RAB3GAP2: variants seen among roughly 807,000 people sequenced by gnomAD.
The protein encoded by RAB3GAP2 is rab3 GTPase-activating protein non-catalytic subunit.
RAB3GAP2 carries 87 observed loss-of-function variants against 185.3 expected under a neutral mutation model. That is an observed-to-expected ratio of 0.47 (90% CI 0.39 to 0.56). The LOEUF is 0.56. Ranked by LOEUF, RAB3GAP2 falls within the 20% of genes least tolerant of loss-of-function variation. The pLI is 0.00. For missense variants in RAB3GAP2, 1,492 were observed against 1,638.2 expected (o/e 0.91, Z 1.54); for synonymous variants, 554 against 576.1 (o/e 0.96, Z 0.55).
chr1:220,157,074 A>C (rs1201353719), intron 31 of RAB3GAP2, among the ~76,000 whole-genome samples, 196 bp downstream of exon 31: 1 of 152,134 alleles, frequency 6.6e-6, no homozygotes, highest in Non-Finnish European at 1.5e-5. Context: ...GACAGCTGAG[A>C]GGGCAAAACT....
At chr1:220,253,931 G>A in intron 1 of RAB3GAP2, 1 of 1,613,716 alleles carries the variant, frequency 6.2e-7, no homozygotes, top group Non-Finnish European at 8.5e-7. Flanking sequence ...CCTGGAAATG[G>A]AGATGGTGGC....
chr1:220,223,361 G>T (rs1281298142), intron 2 of RAB3GAP2, among the ~76,000 whole-genome samples: 2 of 152,034 alleles, frequency 1.3e-5, no homozygotes, highest in African/African-American at 4.8e-5. Flanking sequence ...AATCAGAATA[G>T]ATTTAATAGC....
At chr1:220,245,475 C>G (rs545448573) in intron 1 of RAB3GAP2, among the ~76,000 whole-genome samples, 1 of 152,202 alleles carries the variant, frequency 6.6e-6, no homozygotes, top group South Asian at 2.1e-4. Flanking sequence ...TAAAAAACGG[C>G]GCACCACGAG....
At chr1:220,170,613 T>A (rs1658156237) in intron 24 of RAB3GAP2, among the ~76,000 whole-genome samples, 1 of 152,302 alleles carries the variant, frequency 6.6e-6, no homozygotes, top group Non-Finnish European at 1.5e-5. Flanking sequence ...CATATAGACA[T>A]GTAGGTGAAA....
In RAB3GAP2 at chr1:220,190,459, G is replaced by A. The variant is rs968234372; in HGVS notation, c.1549C>T (p.Pro517Ser). ...ACCAGACAGATCTGATAAGTCTGTG[G>A]CTGCCAACTCTGACTGGTAACATTA... ...LNNVTSQSWQ[P>S]QTYQICLVDP... Residue 517 changes from proline to serine, a missense_variant, in exon 15 of 35, where the codon CCA becomes TCA. Pro to Ser is a moderately conservative substitution (Grantham distance 74, BLOSUM62 -1). Around this residue, in one of 5 missense-constraint regions of RAB3GAP2, gnomAD observed 681 missense variants for 689.1 expected, o/e 0.99. Transcript: ENST00000358951. 4.3e-6 allele frequency: 7 copies of A among 1,611,412 alleles called. No individual in the cohort carries two copies. The highest frequency in any genetic ancestry group is 5.9e-6 in the Non-Finnish European group (7 of 1,177,686).
chr1:220,266,782 A>T, intron 1 of RAB3GAP2: 2 of 1,594,136 alleles, frequency 1.3e-6, no homozygotes, highest in East Asian at 4.5e-5. Flanking sequence ...AGGGGTATTC[A>T]AGTACTTCTC....
Position 220,196,260 on chromosome 1 carries a change from T to A in RAB3GAP2, c.950A>T (p.Tyr317Phe). ...TGATAAAACTCATACCTCTAAAGCA[T>A]AGAAGAAGCCAGTAAATGGATTGGA... ...VGSNPFTGFF[Y>F]ALEGSTQPLL... is the part of the protein sequence containing the mutation. The change falls in exon 10 of 35, where the codon TAT (tyrosine) becomes TTT (phenylalanine). Residue 317 changes from tyrosine (Y) to phenylalanine (F), a missense_variant. By Grantham distance (22) the Tyr-to-Phe change is conservative. This residue lies in a region of RAB3GAP2 where 243 missense variants were observed against 314.8 expected (regional missense o/e 0.77). Coordinates refer to ENST00000358951, the MANE Select transcript of RAB3GAP2 (RefSeq NM_012414.4). 6.2e-7 allele frequency: 1 copy of A among 1,613,370 alleles called. No homozygotes were observed. The highest frequency in any genetic ancestry group is 1.3e-5 in the African/African-American group (1 of 75,040).
chr1:220,272,219 T>TA lies in RAB3GAP2; in HGVS notation c.115+3_115+4insT. Reference sequence around the variant, plus strand: ...AGGAAGGGCGAGGCCAGAGAGGCACTTACTGGGGTCCCTCCGCAAGGCGCC... The same window carrying TA: ...AGGAAGGGCGAGGCCAGAGAGGCACTATACTGGGGTCCCTCCGCAAGGCGCC... On this transcript the variant is annotated splice_donor_region_variant and intron_variant, in intron 1 of 34. Transcript: ENST00000358951. The TA allele has an allele frequency of 6.2e-7, 1 of 1,600,186 alleles. No individual in the cohort carries two copies. The highest frequency in any genetic ancestry group is 8.5e-7 in the Non-Finnish European group (1 of 1,173,798).
In RAB3GAP2 at chr1:220,157,465, T is replaced by C. The variant is rs1430214663; in HGVS notation, c.3360A>G (p.Ile1120Met). ...CCTCAGTATCCAGCACAGGCACCTG[T>C]ATTTCATCCCTGCTAACATCTGCCT... ...LMEADVSRDE[I>M]QVPVLDTEDA... Residue 1120 changes from isoleucine to methionine, a missense_variant, in exon 31 of 35, where the codon ATA becomes ATG. By Grantham distance (10) the Ile-to-Met change is conservative (BLOSUM62 1). This residue lies in a region of RAB3GAP2 where 387 missense variants were observed against 455.3 expected (regional missense o/e 0.85). Coordinates refer to ENST00000358951, the MANE Select transcript of RAB3GAP2 (RefSeq NM_012414.4). 2 of 1,613,518 alleles carry C rather than the reference T, an allele frequency of 1.2e-6. No homozygotes were observed. Among genetic ancestry groups the C allele is most frequent in the African/African-American group, 2.7e-5 (2 of 74,892 alleles).
At chr1:220,218,838 G>C (rs1659249040) in intron 2 of RAB3GAP2, among the ~76,000 whole-genome samples, 2 of 152,090 alleles carry the variant, frequency 1.3e-5, no homozygotes, top group South Asian at 4.2e-4. Context: ...AACCACACGG[G>C]GGAGCAGCTG....
chr1:220,189,801 A>T, intron 16 of RAB3GAP2, 34 bp from the exon 17 acceptor site: 1 of 1,389,722 alleles, frequency 7.2e-7, no homozygotes, highest in Non-Finnish European at 9.9e-7. Context: ...GTAAAATTTT[A>T]ATTTTTATAA....
Position 220,164,787 on chromosome 1 carries a change from A to G in RAB3GAP2, c.3100T>C (p.Phe1034Leu). 6.2e-7 allele frequency: 1 copy of G among 1,608,932 alleles called. No individual in the cohort carries two copies. Among genetic ancestry groups the G allele is most frequent in the South Asian group, 1.1e-5 (1 of 90,272 alleles). The change falls in exon 27 of 35, where the codon TTT becomes CTT. Residue 1034 changes from phenylalanine (F) to leucine (L), a missense_variant. By Grantham distance (22) the Phe-to-Leu change is conservative. Transcript: ENST00000358951. ...TTCAAGTGTTCTATTGACCTAACAA[A>G]AAAACGTGCTTCCTTACATACAGGG... ...WNKDPEEARF[F>L]VRSIEHLKQI...
At chr1:220,159,244 G>A in intron 29 of RAB3GAP2, 142 bp downstream of exon 29, 2 of 709,012 alleles carry the variant, frequency 2.8e-6, no homozygotes, top group South Asian at 1.7e-5. Flanking sequence ...CCTTAATGCA[G>A]TATTCTCTTT....
chr1:220,214,040 T>C, intron 2 of RAB3GAP2, 61 bp from the exon 3 acceptor site: 22 of 1,555,666 alleles, frequency 1.4e-5, no homozygotes, highest in Non-Finnish European at 2.0e-5. Context: ...AAACTCAGCT[T>C]GCCTGTCTCA....
intron 2 of RAB3GAP2, among the ~76,000 whole-genome samples, chr1:220,223,521 G>T (rs752252489): frequency 6.6e-6 from 1 of 152,100 alleles, no homozygotes; most frequent in Admixed American, 6.5e-5. Context: ...TTAAAACACT[G>T]AAATGGCATT....
intron 17 of RAB3GAP2, 109 bp from the exon 18 acceptor site, chr1:220,185,850 T>C: frequency 3.8e-6 from 3 of 790,722 alleles, no homozygotes; most frequent in Admixed American, 2.1e-5. Context: ...AAAGGGAAGC[T>C]CTATATTTAA....
intron 4 of RAB3GAP2, among the ~76,000 whole-genome samples, chr1:220,211,644 T>G (rs1187658872): frequency 6.6e-6 from 1 of 152,182 alleles, no homozygotes; most frequent in Non-Finnish European, 1.5e-5. Context: ...GCTCAGAAAC[T>G]AAGTCTCAAA....
At chr1:220,166,191 C>T (rs2102856435) in intron 26 of RAB3GAP2, among the ~76,000 whole-genome samples, 1 of 152,238 alleles carries the variant, frequency 6.6e-6, no homozygotes, top group African/African-American at 2.4e-5. Flanking sequence ...TGATCAAAGA[C>T]TATTCCTTTA....
intron 28 of RAB3GAP2, among the ~76,000 whole-genome samples, chr1:220,159,993 G>C (rs1277337878): frequency 6.6e-6 from 1 of 151,244 alleles, no homozygotes; most frequent in East Asian, 2.0e-4. Context: ...CTCCAGCCCG[G>C]GCAACAGAGT....
Sources: gnomAD v4.1 joint callset for allele counts (sites outside exome capture counted in the v4.1 genomes callset) on GRCh38, gnomAD v4.1.1 for gene constraint, gnomAD v4.1.1 regional missense constraint, MANE v1.5 for transcripts, NCBI Gene and HGNC (gene_info 2026-07-23, HGNC 2026-07-21) for gene names.